RIMS2: variants seen among roughly 807,000 people sequenced by gnomAD.
The protein encoded by RIMS2 is regulating synaptic membrane exocytosis protein 2.
RIMS2 carries 59 observed loss-of-function variants against 174.4 expected under a neutral mutation model. The ratio of observed to expected loss-of-function variants is 0.34; its 90% CI spans 0.27 to 0.42. The LOEUF (loss-of-function observed/expected upper bound fraction) is 0.42. Among genes scored for constraint, RIMS2 ranks in the 10% least tolerant of loss-of-function variants. The probability of loss-of-function intolerance (pLI) is 1.00; values close to 1 mark genes in which losing one functional copy is unlikely to be tolerated. For missense variants in RIMS2, 1,620 were observed against 1,666.3 expected, an observed-to-expected ratio of 0.97 and a Z score of 0.48; for synonymous variants, 606 against 572.5, an observed-to-expected ratio of 1.06 and a Z score of -0.84.
At chr8:103,865,284 C>CTTTTTTT (rs67300843) in intron 3 of RIMS2, among the ~76,000 whole-genome samples, 31 of 119,712 alleles carry the variant, frequency 2.6e-4, no homozygotes, top group South Asian at 5.4e-4. Flanking sequence ...CAGTTTTTTT[C>CTTTTTTT]TTTTTTTTTT....
intron 1 of RIMS2, among the ~76,000 whole-genome samples, chr8:103,506,487 A>G (rs560419982): frequency 6.6e-6 from 1 of 152,210 alleles, no homozygotes; most frequent in South Asian, 2.1e-4. Context: ...AATAACACCT[A>G]TTTTGAAGGA....
chr8:103,796,593 A>G (rs903887847), intron 3 of RIMS2, among the ~76,000 whole-genome samples: 1 of 152,208 alleles, frequency 6.6e-6, no homozygotes, highest in Admixed American at 6.5e-5. Context: ...ATTTTTAAAA[A>G]TCTTTCCTTC....
chr8:103,757,698 G>T (rs1291373099), intron 2 of RIMS2, among the ~76,000 whole-genome samples: 1 of 152,172 alleles, frequency 6.6e-6, no homozygotes, highest in East Asian at 1.9e-4. Context: ...AAGATCTTGA[G>T]ATAGGGAGAT....
intron 2 of RIMS2, among the ~76,000 whole-genome samples, chr8:103,762,899 T>C (rs1020038217): frequency 1.3e-5 from 2 of 152,194 alleles, no homozygotes; most frequent in African/African-American, 4.8e-5. Flanking sequence ...ATTAAAAGTG[T>C]TTATGTATCT....
chr8:103,617,078 A>T (rs35692918), intron 1 of RIMS2, among the ~76,000 whole-genome samples: 17,655 of 152,258 alleles, frequency 0.12, 1,363 homozygotes, highest in Non-Finnish European at 0.17. Flanking sequence ...CTGAGTAAAA[A>T]GAACAAAGCT....
intron 15 of RIMS2, among the ~76,000 whole-genome samples, chr8:103,962,853 C>T (rs938465219): frequency 6.6e-6 from 1 of 152,114 alleles, no homozygotes; most frequent in Non-Finnish European, 1.5e-5. Context: ...ACTAACTAAT[C>T]CCTTATTTTT....
At chr8:103,830,406 C>T (rs2098818238) in intron 3 of RIMS2, among the ~76,000 whole-genome samples, 1 of 152,032 alleles carries the variant, frequency 6.6e-6, no homozygotes, top group Non-Finnish European at 1.5e-5. Flanking sequence ...TTTATGATGA[C>T]ATTTTATTCT....
intron 5 of RIMS2, among the ~76,000 whole-genome samples, chr8:103,911,040 G>T (rs1353073602): frequency 1.3e-5 from 2 of 151,964 alleles, no homozygotes; most frequent in East Asian, 3.9e-4. Context: ...ATTTTAATGT[G>T]GTATTAATTA....
chr8:103,847,242 A>G (rs998482873), intron 3 of RIMS2, among the ~76,000 whole-genome samples: 6 of 152,068 alleles, frequency 3.9e-5, no homozygotes, highest in Admixed American at 2.6e-4. Flanking sequence ...TCCTTCTTCT[A>G]TCCCTTAGTT....
intron 1 of RIMS2, among the ~76,000 whole-genome samples, chr8:103,520,004 G>A (rs1830861164): frequency 6.6e-6 from 1 of 151,968 alleles, no homozygotes; most frequent in African/African-American, 2.4e-5. Flanking sequence ...TACTTAGCTA[G>A]TTCAAGGAGT....
intron 19 of RIMS2, among the ~76,000 whole-genome samples, chr8:104,202,271 T>C (rs964513421): frequency 2.0e-5 from 3 of 152,212 alleles, no homozygotes; most frequent in African/African-American, 4.8e-5. Flanking sequence ...ATTTAACTTA[T>C]GGAAATTCAC....
intron 1 of RIMS2, among the ~76,000 whole-genome samples, chr8:103,600,580 T>A (rs1331516043): frequency 1.3e-5 from 2 of 152,212 alleles, no homozygotes; most frequent in Non-Finnish European, 2.9e-5. Context: ...TCACATTTTC[T>A]TTATCCATTC....
intron 19 of RIMS2, among the ~76,000 whole-genome samples, chr8:104,232,310 T>A (rs1179683088): frequency 2.6e-5 from 4 of 152,236 alleles, no homozygotes; most frequent in Admixed American, 2.6e-4. Flanking sequence ...TACTTGAATG[T>A]TATGCATTCT....
intron 3 of RIMS2, among the ~76,000 whole-genome samples, chr8:103,798,625 T>C (rs1193816686): frequency 6.6e-6 from 1 of 152,224 alleles, no homozygotes; most frequent in African/African-American, 2.4e-5. Flanking sequence ...TTTGTATGCA[T>C]GCGTTTTAAA....
chr8:103,823,050 A>G (rs965210757), intron 3 of RIMS2, among the ~76,000 whole-genome samples: 1 of 151,896 alleles, frequency 6.6e-6, no homozygotes, highest in African/African-American at 2.4e-5. Context: ...GATAAAATTG[A>G]TCCTCTGAGT....
intron 19 of RIMS2, among the ~76,000 whole-genome samples, chr8:104,015,703 A>G (rs966003962): frequency 6.6e-6 from 1 of 152,088 alleles, no homozygotes; most frequent in Non-Finnish European, 1.5e-5. Flanking sequence ...AAATGACCAG[A>G]TAAAATGTGC....
intron 19 of RIMS2, chr8:104,223,718 A>G: frequency 6.3e-7 from 1 of 1,592,004 alleles, no homozygotes. Context: ...CCAGAGCCGG[A>G]GTAGCCTGTC....
Position 103,867,562 on chromosome 8 carries a change from A to G in RIMS2, c.699-17736A>G, listed in dbSNP as rs148405500. Among the ~76,000 whole-genome samples, 748 of 152,024 alleles carry G rather than the reference A, an allele frequency of 4.9e-3. 9 individuals are homozygous for G. The highest frequency in any genetic ancestry group is 0.017 in the African/African-American group (721 of 41,542). On this transcript the variant is annotated intron_variant, in intron 3 of 23. Coordinates refer to ENST00000504942, the Ensembl canonical transcript of RIMS2. The stretch of plus-strand genomic sequence containing the variant: ...GTCTTTGATTAATAGTTAAGGTAAA[A>G]AGCTAATAATGAATACATAAATACA...
chr8:103,545,918 G>T lies in RIMS2; in HGVS notation c.176+44856G>T, dbSNP rs190062510. ...GCTAAATATGGAAAGACTGTTACTGGTCACCACAAAACACAAGTACATAGA... is the reference window on the plus strand; with the variant it reads ...GCTAAATATGGAAAGACTGTTACTGTTCACCACAAAACACAAGTACATAGA... On this transcript the variant is annotated intron_variant, in intron 1 of 23. Coordinates refer to ENST00000504942, the Ensembl canonical transcript of RIMS2. Among the ~76,000 whole-genome samples the T allele has an allele frequency of 2.6e-3, 402 of 152,172 alleles. 3 individuals carry two copies. The highest frequency in any genetic ancestry group is 8.5e-3 in the African/African-American group (352 of 41,504).
Sources: gnomAD v4.1 joint callset for allele counts (sites outside exome capture counted in the v4.1 genomes callset) on GRCh38, gnomAD v4.1.1 for gene constraint, MANE v1.5 for transcripts, NCBI Gene and HGNC (gene_info 2026-07-23, HGNC 2026-07-21) for gene names.